PHYH: variants seen among roughly 807,000 people sequenced by gnomAD.
PHYH encodes phytanoyl-CoA dioxygenase, peroxisomal.
A neutral mutation model predicts 38.5 loss-of-function variants in PHYH; 32 were observed. That is an observed-to-expected ratio of 0.83 (90% CI 0.63 to 1.12). PHYH has a LOEUF of 1.12. PHYH is among the 50% of genes most tolerant of loss of function. The pLI is 0.00. For synonymous variants in PHYH, 166 were observed against 157.9 expected (o/e 1.05, Z -0.38); for missense variants, 426 against 434.8 (o/e 0.98, Z 0.18).
At chr10:13,288,222 T>C in intron 6 of PHYH, 138 bp downstream of exon 6, 1 of 756,536 alleles carries the variant, frequency 1.3e-6, no homozygotes, top group Non-Finnish European at 2.2e-6. Flanking sequence ...CTTTCTCTGA[T>C]CCTCACTGCA....
At chr10:13,284,951 C>T (rs953610448) in intron 6 of PHYH, among the ~76,000 whole-genome samples, 1 of 152,104 alleles carries the variant, frequency 6.6e-6, no homozygotes, top group Non-Finnish European at 1.5e-5. Flanking sequence ...AATCATACCT[C>T]CCACTCTGCA....
Position 13,277,978 on chromosome 10 carries a change from A to G in PHYH, c.*323T>C, listed in dbSNP as rs1835326822. ...CAAAACATACCCTAAGCTCCAAATC[A>G]TTCACTTCTTCTTGGGTAAAGAGCT... On this transcript the variant is annotated 3_prime_UTR_variant, in exon 9 of 9. Coordinates refer to ENST00000263038, the MANE Select transcript of PHYH (RefSeq NM_006214.4). 5.5e-6 allele frequency: 2 copies of G among 362,474 alleles called. No individual in the cohort carries two copies. The highest frequency in any genetic ancestry group is 4.2e-5 in the African/African-American group (2 of 47,576). 22.5% of individuals were successfully genotyped at this position (362,474 alleles called of 1,614,324 possible).
chr10:13,288,485 G>A lies in PHYH; in HGVS notation c.553C>T (p.Pro185Ser). The part of the protein sequence containing the change: ...HQDLHYFPFR[P>S]SDLIVCAWTA... ...CAGGCGCAAACGATGAGATCGCTGGGCCTGAAGGGGAAATAGTGCAGGTCC... is the reference window on the plus strand; with the variant it reads ...CAGGCGCAAACGATGAGATCGCTGGACCTGAAGGGGAAATAGTGCAGGTCC... The change falls in exon 6 of 9, where the codon CCC becomes TCC. Residue 185 changes from proline to serine, a missense_variant. By Grantham distance (74) the Pro-to-Ser change is moderately conservative. Transcript: ENST00000263038. 1.9e-6 allele frequency: 3 copies of A among 1,614,226 alleles called. No homozygotes were observed. The highest frequency in any genetic ancestry group is 2.5e-6 in the Non-Finnish European group (3 of 1,180,036).
At chr10:13,299,082 G>C (rs1348485585) in intron 1 of PHYH, among the ~76,000 whole-genome samples, 1 of 144,010 alleles carries the variant, frequency 6.9e-6, no homozygotes, top group Admixed American at 7.2e-5. Context: ...AGCCGAGATC[G>C]TACCACTACT....
intron 3 of PHYH, chr10:13,295,047 G>A (rs1835808355): frequency 3.4e-6 from 1 of 292,392 alleles, no homozygotes; most frequent in African/African-American, 2.2e-5. Context: ...AAGTGGTGGA[G>A]CTGAGACTGA....
intron 3 of PHYH, 38 bp downstream of exon 3, chr10:13,295,458 T>G (rs1418917066): frequency 3.0e-6 from 3 of 988,518 alleles, no homozygotes; most frequent in Middle Eastern, 2.1e-4. Context: ...ATGCACACAA[T>G]ACATACTATT....
chr10:13,294,851 A>G, intron 3 of PHYH: 1 of 499,472 alleles, frequency 2.0e-6, no homozygotes. Context: ...TGTAATAATA[A>G]TAACAGCAAA....
chr10:13,292,006 C>T (rs1669661839), intron 4 of PHYH, 94 bp from the exon 5 acceptor site: 4 of 829,694 alleles, frequency 4.8e-6, no homozygotes, highest in Non-Finnish European at 8.1e-6. Flanking sequence ...ACACAAGAAC[C>T]AAGAAGGCAA....
chr10:13,291,810 T>C (rs752748683), intron 5 of PHYH, 21 bp downstream of exon 5: 2 of 1,548,634 alleles, frequency 1.3e-6, no homozygotes, highest in Non-Finnish European at 1.8e-6. Flanking sequence ...ACCATTTTTT[T>C]TTCTTCTCCC....
At position 13,280,974 on chromosome 10, in the gene PHYH, A is replaced by G. The variant is rs1369613992; in HGVS notation, c.963+2T>C. On this transcript the variant is annotated splice_donor_variant, in intron 8 of 8. Coordinates refer to ENST00000263038, the MANE Select transcript of PHYH (RefSeq NM_006214.4). LOFTEE classifies it high-confidence loss of function. ...TTACCTTGCTATTGTATACAAACAT[A>G]CCTTCAAGTTCACGCTATTTTCAGC... 1 of 1,613,782 alleles carries G rather than the reference A, an allele frequency of 6.2e-7. No individual in the cohort carries two copies. The highest frequency in any genetic ancestry group is 8.5e-7 in the Non-Finnish European group (1 of 1,179,676).
intron 1 of PHYH, among the ~76,000 whole-genome samples, chr10:13,298,875 TGC>T (rs1355042932): frequency 9.5e-5 from 2 of 21,000 alleles, no homozygotes; most frequent in South Asian, 4.0e-3. Flanking sequence ...CATTGCAGAG[TGC>T]GGCACTGCAC....
At chr10:13,286,208 T>C (rs1835545400) in intron 6 of PHYH, among the ~76,000 whole-genome samples, 1 of 152,090 alleles carries the variant, frequency 6.6e-6, no homozygotes, top group Non-Finnish European at 1.5e-5. Context: ...GCGTTAATAG[T>C]CATCTCTCTG....
At chr10:13,279,244 C>T (rs964190946) in intron 8 of PHYH, among the ~76,000 whole-genome samples, 4 of 152,122 alleles carry the variant, frequency 2.6e-5, no homozygotes, top group Admixed American at 2.6e-4. Context: ...GTGATCCACC[C>T]GCCTCAAACA....
chr10:13,298,463 G>A (rs1166907260), intron 1 of PHYH, among the ~76,000 whole-genome samples: 2 of 152,028 alleles, frequency 1.3e-5, no homozygotes, highest in African/African-American at 4.8e-5. Flanking sequence ...CACTTTGGGA[G>A]GCCGAGGCGG....
chr10:13,295,382 C>G (rs867785356), intron 3 of PHYH, 114 bp downstream of exon 3: 8 of 715,414 alleles, frequency 1.1e-5, no homozygotes, highest in Middle Eastern at 5.4e-4. Flanking sequence ...AAACACTTCC[C>G]AACAAACCAA....
chr10:13,294,635 G>A, intron 3 of PHYH, 39 bp from the exon 4 acceptor site: 2 of 1,588,842 alleles, frequency 1.3e-6, no homozygotes, highest in South Asian at 2.2e-5. Flanking sequence ...GTTACCGCTG[G>A]CTCCAAGCAC....
At chr10:13,283,909 T>C in intron 6 of PHYH, 70 bp from the exon 7 acceptor site, 1 of 1,281,428 alleles carries the variant, frequency 7.8e-7, no homozygotes, top group Non-Finnish European at 1.1e-6. Context: ...CAATGGTTCA[T>C]CAGGGAAAGC....
intron 8 of PHYH, among the ~76,000 whole-genome samples, chr10:13,279,104 T>C (rs1835357028): frequency 6.6e-6 from 1 of 151,626 alleles, no homozygotes. Context: ...GTTCAAATGA[T>C]TCTCCTGCCT....
intron 7 of PHYH, among the ~76,000 whole-genome samples, chr10:13,282,007 A>G (rs1245238008): frequency 6.6e-6 from 1 of 152,354 alleles, no homozygotes; most frequent in East Asian, 1.9e-4. Flanking sequence ...GTACTCTGGG[A>G]GGCCAAGGCA....
Sources: gnomAD v4.1 joint callset for allele counts (sites outside exome capture counted in the v4.1 genomes callset) on GRCh38, gnomAD v4.1.1 for gene constraint, MANE v1.5 for transcripts, NCBI Gene and HGNC (gene_info 2026-07-23, HGNC 2026-07-21) for gene names.